Variants in SLC18A1 observed in about 807,000 individuals in gnomAD.
SLC18A1 encodes the protein solute carrier family 18 member A1, also known as chromaffin granule amine transporter.
In SLC18A1, 69 loss-of-function variants were observed where a neutral mutation model predicts 53.7. That is an observed-to-expected ratio of 1.28 (90% CI 1.06 to 1.57). The LOEUF (loss-of-function observed/expected upper bound fraction) is 1.57. SLC18A1 is among the 40% of genes most tolerant of loss of function. SLC18A1 has a pLI of 0.00. For synonymous variants in SLC18A1, 320 were observed against 248.1 expected (o/e 1.29, Z -2.72); for missense variants, 932 against 668.1 (o/e 1.40, Z -4.35).
chr8:20,164,955 C>G lies in SLC18A1; in HGVS notation c.929G>C (p.Cys310Ser). 6.2e-7 allele frequency: 1 copy of G among 1,613,932 alleles called. No homozygotes were observed. Among genetic ancestry groups the G allele is most frequent in the African/African-American group, 1.3e-5 (1 of 75,034 alleles). The change falls in exon 10 of 16, where the codon TGC becomes TCC. Residue 310 changes from cysteine to serine, a missense_variant. Cys to Ser is a moderately radical substitution (Grantham distance 112). Coordinates refer to ENST00000276373, the MANE Select transcript of SLC18A1 (RefSeq NM_003053.4). ...PYILVAAGSI[C>S]FANMGVAILE... ...GATGGCCACCCCCATGTTGGCAAAG[C>G]AGATGGACCCTGGGGAGACTGTTCT... is the stretch of plus-strand genomic sequence containing the variant.
At chr8:20,179,667 A>C (rs2072368960) in intron 2 of SLC18A1, among the ~76,000 whole-genome samples, 183 bp from the exon 3 acceptor site, 1 of 152,222 alleles carries the variant, frequency 6.6e-6, no homozygotes, top group Admixed American at 6.5e-5. Context: ...GTTCAGCCTT[A>C]TGCCCAAGGC....
intron 4 of SLC18A1, among the ~76,000 whole-genome samples, chr8:20,177,833 C>T (rs1258541095): frequency 6.6e-6 from 1 of 152,138 alleles, no homozygotes; most frequent in Admixed American, 6.5e-5. Context: ...TTACTTTTCT[C>T]ATGTACTGTG....
At chr8:20,149,775 TCCACCTGTACC>T in intron 11 of SLC18A1, 48 bp from the exon 12 acceptor site, 1 of 1,573,528 alleles carries the variant, frequency 6.4e-7, no homozygotes, top group Non-Finnish European at 8.7e-7. Flanking sequence ...AGAGCTCCCC[TCCACCTGTACC>T]CCATCACCGC....
chr8:20,180,907 G>A lies in SLC18A1; in HGVS notation c.58C>T (p.Arg20Trp), dbSNP rs201099277. Reference protein sequence around the residue: ...QRLLKEGRASRQLVLVVVFVA... With the variant: ...QRLLKEGRASWQLVLVVVFVA... ...AATACCACCACCAGCACCAGCTGCC[G>A]GGACGCTCTCCCCTCCTTCAGCAAC... The change falls in exon 2 of 16, where the codon CGG becomes TGG. Residue 20 changes from arginine (R) to tryptophan (W), a missense_variant. Physicochemically the swap from Arg to Trp is moderately radical, Grantham distance 101. Transcript: ENST00000276373. 130 of 1,611,732 alleles carry A rather than the reference G, an allele frequency of 8.1e-5. No homozygotes were observed. Among genetic ancestry groups the A allele is most frequent in the East Asian group, 2.0e-4 (9 of 44,760 alleles).
intron 10 of SLC18A1, among the ~76,000 whole-genome samples, chr8:20,155,413 C>T (rs895136205): frequency 1.3e-5 from 2 of 152,110 alleles, no homozygotes; most frequent in Non-Finnish European, 2.9e-5. Context: ...CTAACAACAC[C>T]CAATCCTTCT....
chr8:20,150,675 T>C lies in SLC18A1; in HGVS notation c.1085A>G (p.Lys362Arg), dbSNP rs539562981. The C allele has an allele frequency of 1.2e-6, 2 of 1,614,090 alleles. No individual in the cohort carries two copies. The highest frequency in any genetic ancestry group is 2.2e-5 in the East Asian group (1 of 44,872). ...TCCCGAGGCTACATACCGACCCATC[T>C]TGTTGGCCAACACACCAAAGAGGTT... ...GTNLFGVLAN[K>R]MGRWLCSLIG... The change falls in exon 11 of 16, where the codon AAG becomes AGG. Residue 362 changes from lysine to arginine, a missense_variant. Transcript: ENST00000276373.
Position 20,150,715 on chromosome 8 carries a change from A to G in SLC18A1, c.1045T>C (p.Tyr349His). The change falls in exon 11 of 16, where the codon TAC (tyrosine) becomes CAC (histidine). Residue 349 changes from tyrosine (Y) to histidine (H), a missense_variant. By Grantham distance (83) the Tyr-to-His change is moderately conservative (BLOSUM62 2). Transcript: ENST00000276373. ...CCAAAGAGGTTGGTGCCAATGAGGT[A>G]GGACACACTGGCAGGCAAGAAAGCT... is the stretch of plus-strand genomic sequence containing the variant. The part of the protein sequence containing the change: ...GLAFLPASVS[Y>H]LIGTNLFGVL... 6.2e-7 allele frequency: 1 copy of G among 1,614,194 alleles called. No individual in the cohort carries two copies.
At chr8:20,177,526 T>C (rs371147019) in intron 4 of SLC18A1, among the ~76,000 whole-genome samples, 100 of 152,224 alleles carry the variant, frequency 6.6e-4, no homozygotes, top group South Asian at 2.9e-3. Context: ...CATTAGGAGA[T>C]ATACCTAATG....
chr8:20,178,849 G>A (rs917319553), intron 3 of SLC18A1, among the ~76,000 whole-genome samples: 1 of 152,174 alleles, frequency 6.6e-6, no homozygotes, highest in Non-Finnish European at 1.5e-5. Flanking sequence ...TTCAAGCCAT[G>A]CTCCAGGTCA....
chr8:20,174,326 G>C, intron 5 of SLC18A1, 35 bp downstream of exon 5: 2 of 1,399,578 alleles, frequency 1.4e-6, no homozygotes, highest in South Asian at 2.3e-5. Flanking sequence ...GTGCATGCCT[G>C]CATGTGTGTG....
chr8:20,147,939 G>A, intron 13 of SLC18A1, 68 bp downstream of exon 13: 1 of 1,542,494 alleles, frequency 6.5e-7, no homozygotes, highest in Non-Finnish European at 8.9e-7. Context: ...GAGAAAAGGG[G>A]GAGGAAAGGC....
chr8:20,171,837 C>T lies in SLC18A1; in HGVS notation c.725-343G>A, dbSNP rs915546238. 3.9e-5 allele frequency among the ~76,000 whole-genome samples: 6 copies of T among 152,134 alleles called. No homozygotes were observed. In the South Asian group the frequency reaches 6.2e-4, roughly 16 times the overall value. On this transcript the variant is annotated intron_variant, in intron 6 of 15. Transcript: ENST00000276373. ...CAATGTCTCAGGAATTTCAGGCAGC[C>T]ACGAGGGCTTTGCCAAGTGTAGAGT...
intron 11 of SLC18A1, 120 bp downstream of exon 11, chr8:20,150,546 C>T (rs760368080): frequency 2.3e-5 from 20 of 859,430 alleles, no homozygotes; most frequent in African/African-American, 3.3e-5. Context: ...AAGTTTTTAT[C>T]GGTGTGTACT....
chr8:20,171,955 G>C (rs190180000), intron 6 of SLC18A1, among the ~76,000 whole-genome samples: 1 of 152,226 alleles, frequency 6.6e-6, no homozygotes, highest in African/African-American at 2.4e-5. Context: ...GGTGTTAGCA[G>C]AGTATGAATA....
rs1439120275 is a variant in SLC18A1, at chr8:20,179,394, G to T, written c.215C>A (p.Ala72Asp). The change falls in exon 3 of 16, where the codon GCC becomes GAC. Residue 72 changes from alanine (A) to aspartate (D), a missense_variant. Transcript: ENST00000276373. ...HLGHAGSSPH[A>D]LASPAFSTIF... ...GGTGGAAAAGGCAGGAGAGGCGAGG[G>T]CATGTGGGGAACTTCCGGCATGGCC... 5 of 1,613,926 alleles carry T rather than the reference G, an allele frequency of 3.1e-6. No homozygotes were observed. Among genetic ancestry groups the T allele is most frequent in the Non-Finnish European group, 4.2e-6 (5 of 1,180,000 alleles).
chr8:20,173,070 TC>T lies in SLC18A1; in HGVS notation c.689del (p.Gly230GlufsTer20). On this transcript the variant is annotated frameshift_variant, in exon 6 of 16. Transcript: ENST00000276373. LOFTEE classifies it high-confidence loss of function. ...CCAAGGCCAGGCCCCCCAGAGCAGT[TC>T]CCATGGCTCGTCCTCTCTCATGGTC... Reference protein sequence around the residue: ...TDDHERGRAMGTALGGLALGL... With the variant: ...TDDHERGRAMXTALGGLALGL... The T allele has an allele frequency of 6.3e-7, 1 of 1,588,208 alleles. No homozygotes were observed. The highest frequency in any genetic ancestry group is 1.8e-5 in the Admixed American group (1 of 56,172).
rs60330468 is a variant in SLC18A1, at chr8:20,149,589, C to CCTCT, written c.1146+83_1146+86dup. ...CTGTGTCTTTCTCTCTCTCTCTCTCCCTCTCTCTCTCTCTCTCTCTCTCTC... is the reference window on the plus strand; with the variant it reads ...CTGTGTCTTTCTCTCTCTCTCTCTCCCTCTCTCTCTCTCTCTCTCTCTCTCTCTC... On this transcript the variant is annotated intron_variant, in intron 12 of 15. Transcript: ENST00000276373. 5.6e-3 allele frequency: 4,448 copies of CCTCT among 791,198 alleles called. 83 individuals carry two copies. The African/African-American group carries it at 0.061, about 11-fold the overall frequency. 49.0% of individuals were successfully genotyped at this position (791,198 alleles called of 1,614,324 possible).
intron 15 of SLC18A1, among the ~76,000 whole-genome samples, chr8:20,146,162 G>C (rs999539959): frequency 2.0e-5 from 3 of 152,066 alleles, no homozygotes; most frequent in Non-Finnish European, 4.4e-5. Context: ...TGATGCGCCC[G>C]CCTCAGCCTC....
At chr8:20,178,187 T>C (rs2072300159) in intron 4 of SLC18A1, among the ~76,000 whole-genome samples, 1 of 151,908 alleles carries the variant, frequency 6.6e-6, no homozygotes, top group African/African-American at 2.4e-5. Flanking sequence ...TCTCATTATG[T>C]CCAGCTGAAG....
Sources: gnomAD v4.1 joint callset for allele counts (sites outside exome capture counted in the v4.1 genomes callset) on GRCh38, gnomAD v4.1.1 for gene constraint, MANE v1.5 for transcripts, NCBI Gene and HGNC (gene_info 2026-07-23, HGNC 2026-07-21) for gene names.